The following ATP6V0A2 variants were observed in gnomAD, a reference collection of about 807,000 sequenced individuals.
The protein encoded by ATP6V0A2 is V-type proton ATPase 116 kDa subunit a 2.
ATP6V0A2 carries 58 observed loss-of-function variants against 104.4 expected under a neutral mutation model. That is an observed-to-expected ratio of 0.56 (90% CI 0.45 to 0.69). ATP6V0A2 has a LOEUF of 0.69. Among genes scored for constraint, ATP6V0A2 ranks in the 30% least tolerant of loss-of-function variants. The probability of loss-of-function intolerance (pLI) is 0.00; values close to 1 mark genes in which losing one functional copy is unlikely to be tolerated. For missense variants in ATP6V0A2, 938 were observed against 1,062.9 expected (o/e 0.88, Z 1.63); for synonymous variants, 376 against 397.9 (o/e 0.95, Z 0.65).
At chr12:123,740,676 TG>T (rs1288570675) in intron 9 of ATP6V0A2, among the ~76,000 whole-genome samples, 2 of 152,252 alleles carry the variant, frequency 1.3e-5, no homozygotes, top group Non-Finnish European at 2.9e-5. Context: ...CATCTTTCAG[TG>T]GAACCTTCTT....
intron 18 of ATP6V0A2, 119 bp from the exon 19 acceptor site, chr12:123,756,696 C>A: frequency 2.9e-6 from 3 of 1,050,764 alleles, no homozygotes; most frequent in South Asian, 1.4e-5. Context: ...ACATGTGTGT[C>A]TATTATTTTA....
intron 2 of ATP6V0A2, among the ~76,000 whole-genome samples, chr12:123,721,959 G>A (rs1019102442): frequency 3.3e-5 from 5 of 152,196 alleles, no homozygotes; most frequent in African/African-American, 1.2e-4. Context: ...ACTTCCAAGT[G>A]CGCCCCTAAC....
At chr12:123,741,632 T>G (rs530329453) in intron 9 of ATP6V0A2, among the ~76,000 whole-genome samples, 16 of 152,162 alleles carry the variant, frequency 1.1e-4, no homozygotes, top group African/African-American at 3.1e-4. Context: ...TAGTTAGTTA[T>G]TTATATTTTT....
chr12:123,717,602 G>T (rs1199659751), intron 1 of ATP6V0A2, among the ~76,000 whole-genome samples: 1 of 151,692 alleles, frequency 6.6e-6, no homozygotes, highest in Non-Finnish European at 1.5e-5. Flanking sequence ...GCACCACCAG[G>T]CCTGGCTAAT....
chr12:123,752,492 A>T, intron 17 of ATP6V0A2, 90 bp downstream of exon 17: 2 of 1,521,908 alleles, frequency 1.3e-6, no homozygotes, highest in South Asian at 1.2e-5. Flanking sequence ...TAATCATCTT[A>T]AAAAATGGTT....
Position 123,754,515 on chromosome 12 carries a change from G to A in ATP6V0A2, c.2271G>A (p.Trp757Ter). 1 of 1,613,968 alleles carries A rather than the reference G, an allele frequency of 6.2e-7. No individual in the cohort carries two copies. The highest frequency in any genetic ancestry group is 8.5e-7 in the Non-Finnish European group (1 of 1,179,902). ...ISNTASYLRL[W>*]ALSLAHAQLS... ...ACACCGCCTCCTACCTGAGGCTCTG[G>A]GCGCTTAGCCTGGCTCACGCACGTA... The change falls in exon 18 of 20, where the codon TGG (tryptophan) becomes TGA (stop). Residue 757 changes from tryptophan (W) to a stop codon, truncating the protein, a stop_gained. Coordinates refer to ENST00000330342, the MANE Select transcript of ATP6V0A2 (RefSeq NM_012463.4). LOFTEE classifies it high-confidence loss of function.
rs1181301271 is a variant in ATP6V0A2 at position 123,748,296 on chromosome 12, T to C, written c.1725-279T>C. On this transcript the variant is annotated intron_variant, in intron 14 of 19. Transcript: ENST00000330342. ...CATTTTGGAGCCAGATTCACTAATA[T>C]TGTGTAGCCTTACTTTAAGGAAGGA... 2.0e-5 allele frequency among the ~76,000 whole-genome samples: 3 copies of C among 152,156 alleles called. No homozygotes were observed. In the East Asian group the frequency reaches 5.8e-4, roughly 29 times the overall value.
At chr12:123,715,831 T>A (rs1395967687) in intron 1 of ATP6V0A2, among the ~76,000 whole-genome samples, 1 of 152,216 alleles carries the variant, frequency 6.6e-6, no homozygotes, top group Non-Finnish European at 1.5e-5. Flanking sequence ...GAAAACATCC[T>A]AATCTGCTTT....
chr12:123,735,574 C>T lies in ATP6V0A2; in HGVS notation c.775C>T (p.Arg259Trp), dbSNP rs745357777. The change falls in exon 8 of 20, where the codon CGG becomes TGG. Residue 259 changes from arginine to tryptophan, a missense_variant. Arg to Trp is a moderately radical substitution (Grantham distance 101, BLOSUM62 -3). Coordinates refer to ENST00000330342, the MANE Select transcript of ATP6V0A2 (RefSeq NM_012463.4). ...CCCCTATCCAAACACAGCCGAGGAG[C>T]GGAGGGAGATCCAGGAGGGGCTGAA... ...VYPYPNTAEERREIQEGLNTR... is the reference protein window; with the variant it reads ...VYPYPNTAEEWREIQEGLNTR... The T allele has an allele frequency of 1.1e-5, 17 of 1,613,928 alleles. No homozygotes were observed. The highest frequency in any genetic ancestry group is 1.3e-5 in the African/African-American group (1 of 74,924).
chr12:123,712,521 G>GA lies in ATP6V0A2; in HGVS notation c.-45_-44insA, dbSNP rs1024650780. Reference sequence around the variant, plus strand: ...AGTGTGCGGGCCCGCGCGGCTCGGAGCCGCCGCCGCCCATCGAGCCCCTCC... The same window carrying GA: ...AGTGTGCGGGCCCGCGCGGCTCGGAGACCGCCGCCGCCCATCGAGCCCCTCC... On this transcript the variant is annotated 5_prime_UTR_variant, in exon 1 of 20. Transcript: ENST00000330342. 6.9e-7 allele frequency: 1 copy of GA among 1,450,540 alleles called. No homozygotes were observed. The highest frequency in any genetic ancestry group is 9.3e-7 in the Non-Finnish European group (1 of 1,074,354). The allele number at this position is 1,450,540 out of a possible 1,614,324, so 89.9% of individuals were successfully genotyped here. A position where few individuals can be genotyped will look rare whatever the true frequency, so the allele number is the denominator to read the frequency against.
intron 1 of ATP6V0A2, among the ~76,000 whole-genome samples, chr12:123,715,953 T>C (rs535939562): frequency 1.3e-5 from 2 of 152,308 alleles, no homozygotes; most frequent in African/African-American, 4.8e-5. Flanking sequence ...TGTACCCCCA[T>C]GTACCCATAA....
At chr12:123,751,294 G>A (rs1245436325) in intron 16 of ATP6V0A2, 65 bp downstream of exon 16, 18 of 1,612,204 alleles carry the variant, frequency 1.1e-5, no homozygotes, top group South Asian at 7.7e-5. Flanking sequence ...TACAAGGATT[G>A]GTGTAGAAAA....
At position 123,760,800 on chromosome 12, in the gene ATP6V0A2, G is replaced by T. The variant is rs949944831; in HGVS notation, c.*2768G>T. The stretch of plus-strand genomic sequence containing the variant: ...TGAGCCCTGCGGACTTTCCAGCAGC[G>T]AAAGGACTTGGAACTCCTCTTTCGC... On this transcript the variant is annotated 3_prime_UTR_variant, in exon 20 of 20. Coordinates refer to ENST00000330342, the MANE Select transcript of ATP6V0A2 (RefSeq NM_012463.4). 6.6e-6 allele frequency: 1 copy of T among 152,204 alleles called. No homozygotes were observed. The highest frequency in any genetic ancestry group is 1.5e-5 in the Non-Finnish European group (1 of 68,050). The allele number at this position is 152,204 out of a possible 1,614,324, so 9.4% of individuals were successfully genotyped here. A position where few individuals can be genotyped will look rare whatever the true frequency, so the allele number is the denominator to read the frequency against.
intron 18 of ATP6V0A2, chr12:123,756,612 C>T (rs1023439235): frequency 3.4e-6 from 2 of 590,150 alleles, no homozygotes; most frequent in African/African-American, 1.9e-5. Flanking sequence ...TTTTGGAGCA[C>T]CAGGTCTTCC....
chr12:123,758,269 C>G lies in ATP6V0A2; in HGVS notation c.*237C>G. The G allele has an allele frequency of 2.6e-6, 1 of 389,404 alleles. No homozygotes were observed. Among genetic ancestry groups the G allele is most frequent in the Non-Finnish European group, 4.6e-6 (1 of 218,484 alleles). 24.1% of individuals were successfully genotyped at this position (389,404 alleles called of 1,614,324 possible). A position where few individuals can be genotyped will look rare whatever the true frequency, so the allele number is the denominator to read the frequency against. The stretch of plus-strand genomic sequence containing the variant: ...TATGATGAGCAAATATAAGTTAATG[C>G]CAAACGTTATGTTAAAGTTATTTTT... On this transcript the variant is annotated 3_prime_UTR_variant, in exon 20 of 20. Coordinates refer to ENST00000330342, the MANE Select transcript of ATP6V0A2 (RefSeq NM_012463.4).
chr12:123,718,735 ATTACCT>A, intron 2 of ATP6V0A2, 34 bp downstream of exon 2: 1 of 1,479,202 alleles, frequency 6.8e-7, no homozygotes. Flanking sequence ...AACTTAAATA[ATTACCT>A]TTATATAGGC....
chr12:123,719,937 C>T (rs1053457415), intron 2 of ATP6V0A2, among the ~76,000 whole-genome samples: 1 of 152,164 alleles, frequency 6.6e-6, no homozygotes, highest in African/African-American at 2.4e-5. Flanking sequence ...CAAACGACCC[C>T]AGGGTCTCTC....
At chr12:123,717,658 G>A (rs1404146387) in intron 1 of ATP6V0A2, among the ~76,000 whole-genome samples, 2 of 151,858 alleles carry the variant, frequency 1.3e-5, no homozygotes, top group Admixed American at 1.3e-4. Flanking sequence ...TGCCCAGGCT[G>A]GCCTCAAACT....
chr12:123,712,743 A>T, intron 1 of ATP6V0A2, 61 bp downstream of exon 1: 1 of 1,409,396 alleles, frequency 7.1e-7, no homozygotes, highest in Admixed American at 1.8e-5. Flanking sequence ...AATCCCGCGC[A>T]TCGCTGGGGC....
Sources: gnomAD v4.1 joint callset for allele counts (sites outside exome capture counted in the v4.1 genomes callset) on GRCh38, gnomAD v4.1.1 for gene constraint, MANE v1.5 for transcripts, NCBI Gene and HGNC (gene_info 2026-07-23, HGNC 2026-07-21) for gene names.